The following XKR9 variants were observed in gnomAD, a reference collection of about 807,000 sequenced individuals.
XKR9 encodes XK related 9, also known as XK-related protein 9.
Under a neutral mutation model 32.0 loss-of-function variants are expected in XKR9, and 32 were observed. The ratio of observed to expected loss-of-function variants is 1.00; its 90% CI spans 0.76 to 1.34. The LOEUF (loss-of-function observed/expected upper bound fraction) is 1.34, where lower values mean the gene tolerates loss of function less well. XKR9 is among the 40% of genes most tolerant of loss of function. The probability of loss-of-function intolerance (pLI) is 0.00; values close to 1 mark genes in which losing one functional copy is unlikely to be tolerated. For missense variants in XKR9, 546 were observed against 429.7 expected, an observed-to-expected ratio of 1.27 and a Z score of -2.39; for synonymous variants, 168 against 143.4, an observed-to-expected ratio of 1.17 and a Z score of -1.22.
the XKR9 span, among the ~76,000 whole-genome samples, chr8:70,946,853 C>T: frequency 6.6e-6 from 1 of 152,104 alleles, no homozygotes. Flanking sequence ...AATTAGTTGA[C>T]TGAATTACCT....
chr8:70,958,848 T>C, the XKR9 span, among the ~76,000 whole-genome samples: 1 of 152,140 alleles, frequency 6.6e-6, no homozygotes, highest in African/African-American at 2.4e-5. Context: ...TCTCATTTCA[T>C]TTGTAAAATG....
At chr8:71,057,973 A>C in the XKR9 span, among the ~76,000 whole-genome samples, 1 of 152,118 alleles carries the variant, frequency 6.6e-6, no homozygotes, top group African/African-American at 2.4e-5. Context: ...TCACGAGATC[A>C]GATCGAGACC....
chr8:70,712,151 A>C (rs1805939782), intron 4 of XKR9, among the ~76,000 whole-genome samples: 1 of 152,196 alleles, frequency 6.6e-6, no homozygotes, highest in African/African-American at 2.4e-5. Flanking sequence ...TGCAGAGTAG[A>C]ATAGCAGATT....
At chr8:70,743,373 G>T (rs1323755721) in intron 2 of XKR9, among the ~76,000 whole-genome samples, 1 of 151,994 alleles carries the variant, frequency 6.6e-6, no homozygotes, top group Non-Finnish European at 1.5e-5. Context: ...CAATACCTGG[G>T]TCATTTTGGG....
intron 4 of XKR9, among the ~76,000 whole-genome samples, chr8:70,717,847 C>T (rs1041010663): frequency 6.6e-6 from 1 of 152,160 alleles, no homozygotes; most frequent in Non-Finnish European, 1.5e-5. Flanking sequence ...AACTTTTATG[C>T]TCTGTCACCT....
the XKR9 span, among the ~76,000 whole-genome samples, chr8:70,833,888 C>T: frequency 2.6e-5 from 4 of 152,074 alleles, no homozygotes; most frequent in African/African-American, 9.7e-5. Context: ...AAGAAGAGGA[C>T]TTTGAACACT....
chr8:70,748,669 A>G (rs1366130109), intron 2 of XKR9, among the ~76,000 whole-genome samples: 1 of 152,152 alleles, frequency 6.6e-6, no homozygotes, highest in East Asian at 1.9e-4. Flanking sequence ...TTCCTGGTGG[A>G]AAAGGGCAGG....
the XKR9 span, among the ~76,000 whole-genome samples, chr8:70,848,844 A>G: frequency 1.3e-5 from 2 of 152,106 alleles, no homozygotes; most frequent in Non-Finnish European, 2.9e-5. Context: ...AAACCAAAAA[A>G]CACAAAGAAG....
chr8:70,741,134 T>C (rs920769307), intron 2 of XKR9, among the ~76,000 whole-genome samples: 3 of 152,230 alleles, frequency 2.0e-5, no homozygotes, highest in African/African-American at 7.2e-5. Flanking sequence ...AGTTCGAGCA[T>C]CTGGGCTGCT....
At chr8:70,888,558 T>C in the XKR9 span, among the ~76,000 whole-genome samples, 19 of 152,154 alleles carry the variant, frequency 1.2e-4, no homozygotes, top group East Asian at 1.2e-3. Context: ...TTTCCTTATG[T>C]TTTCTTCTAC....
chr8:70,754,711 T>C (rs1807192633), intron 2 of XKR9, among the ~76,000 whole-genome samples: 2 of 151,220 alleles, frequency 1.3e-5, no homozygotes, highest in South Asian at 2.1e-4. Context: ...GCTAGCCATA[T>C]GTAGAAAGCT....
At chr8:70,767,030 G>A (rs956061766) in intron 2 of XKR9, among the ~76,000 whole-genome samples, 3 of 152,142 alleles carry the variant, frequency 2.0e-5, no homozygotes, top group Non-Finnish European at 4.4e-5. Flanking sequence ...TCACATCAAT[G>A]TTCATCAGGG....
chr8:70,882,141 TA>T, the XKR9 span, among the ~76,000 whole-genome samples: 12 of 152,054 alleles, frequency 7.9e-5, no homozygotes, highest in African/African-American at 2.9e-4. Context: ...GGGATAGCAT[TA>T]AGAGAAATAC....
At chr8:70,715,178 C>A (rs1806048207) in intron 4 of XKR9, among the ~76,000 whole-genome samples, 1 of 152,148 alleles carries the variant, frequency 6.6e-6, no homozygotes, top group Non-Finnish European at 1.5e-5. Flanking sequence ...CTAGCTCCAC[C>A]ACTTACTAAT....
chr8:70,763,364 A>C (rs1340502609), intron 2 of XKR9, among the ~76,000 whole-genome samples: 1 of 152,148 alleles, frequency 6.6e-6, no homozygotes, highest in African/African-American at 2.4e-5. Flanking sequence ...GGGATCATCC[A>C]GCTAACTTTT....
At chr8:70,926,378 A>G in the XKR9 span, among the ~76,000 whole-genome samples, 1 of 152,138 alleles carries the variant, frequency 6.6e-6, no homozygotes, top group African/African-American at 2.4e-5. Flanking sequence ...GCCATAACCA[A>G]TTTCTTATAC....
At chr8:70,715,690 G>A (rs1806063943) in intron 4 of XKR9, among the ~76,000 whole-genome samples, 1 of 152,038 alleles carries the variant, frequency 6.6e-6, no homozygotes, top group Non-Finnish European at 1.5e-5. Context: ...GAGAAGCAAA[G>A]AAAGATGATT....
intron 2 of XKR9, among the ~76,000 whole-genome samples, chr8:70,769,939 G>A (rs1274300919): frequency 1.3e-5 from 2 of 151,946 alleles, no homozygotes; most frequent in Non-Finnish European, 2.9e-5. Context: ...GCCTACTTCT[G>A]TCAATTCGTC....
At chr8:71,036,785 A>T in the XKR9 span, among the ~76,000 whole-genome samples, 1 of 151,962 alleles carries the variant, frequency 6.6e-6, no homozygotes, top group Non-Finnish European at 1.5e-5. Context: ...GTGTAAATAT[A>T]ATAATCTTAG....
Sources: allele counts gnomAD v4.1 joint callset (sites outside exome capture counted in the v4.1 genomes callset), GRCh38; gene constraint gnomAD v4.1.1; transcripts MANE v1.5; gene names NCBI Gene and HGNC (gene_info 2026-07-23, HGNC 2026-07-21).